The following RGS3 variants were observed in gnomAD, a reference collection of about 807,000 sequenced individuals.
RGS3 encodes the protein regulator of G protein signaling 3, also known as regulator of G-protein signalling 3.
In RGS3, 80 loss-of-function variants were observed where a neutral mutation model predicts 132.6. The ratio of observed to expected loss-of-function variants is 0.60; its 90% CI spans 0.50 to 0.73. The LOEUF is 0.73. RGS3 is among the 30% of genes least tolerant of loss of function. RGS3 has a pLI of 0.00. For synonymous variants in RGS3, 598 were observed against 620.6 expected (o/e 0.96, Z 0.54); for missense variants, 1,382 against 1,530.8 (o/e 0.90, Z 1.62).
chr9:113,465,485 G>A (rs1471171493), intron 3 of RGS3, among the ~76,000 whole-genome samples: 1 of 151,230 alleles, frequency 6.6e-6, no homozygotes, highest in Non-Finnish European at 1.5e-5. Context: ...GTGTGTGCCT[G>A]TGTGTATTTA....
At chr9:113,581,956 C>A in intron 19 of RGS3, 2 of 908,862 alleles carry the variant, frequency 2.2e-6, no homozygotes, top group Non-Finnish European at 2.6e-6. Context: ...AAGGCCTCCC[C>A]TCCCTTGCCC....
At chr9:113,577,122 T>A (rs1321776568) in intron 19 of RGS3, among the ~76,000 whole-genome samples, 1 of 152,156 alleles carries the variant, frequency 6.6e-6, no homozygotes, top group Non-Finnish European at 1.5e-5. Context: ...TAGCTGGGAT[T>A]ACAGGTGCGC....
intron 10 of RGS3, among the ~76,000 whole-genome samples, chr9:113,502,369 C>G (rs1447395106): frequency 6.6e-6 from 1 of 152,252 alleles, no homozygotes; most frequent in Non-Finnish European, 1.5e-5. Context: ...AGAAGCCCCT[C>G]TATTTGTTTT....
rs1010362786 is a variant in RGS3, at chr9:113,506,049, G to T, written c.980-339G>T. Among the ~76,000 whole-genome samples, 2 of 152,162 alleles carry T rather than the reference G, an allele frequency of 1.3e-5. No homozygotes were observed. The highest frequency in any genetic ancestry group is 4.8e-5 in the African/African-American group (2 of 41,426). On this transcript the variant is annotated intron_variant, in intron 11 of 24. Transcript: ENST00000350696. The surrounding 1 kb of genome is among the most constrained non-coding windows in gnomAD (Gnocchi z 4.7). ...GATTGGCAGAGAAGGAATAAATGTA[G>T]TGTGGGAGCCTGGCCCCAGGGAAGG...
intron 16 of RGS3, among the ~76,000 whole-genome samples, chr9:113,518,517 C>T (rs770782276): frequency 4.3e-4 from 66 of 152,174 alleles, no homozygotes; most frequent in Non-Finnish European, 6.0e-4. Flanking sequence ...TCTGTAAGGA[C>T]GCTTTAAACC....
chr9:113,487,061 C>T (rs577144555), intron 7 of RGS3, among the ~76,000 whole-genome samples: 1 of 143,844 alleles, frequency 7.0e-6, no homozygotes, highest in South Asian at 2.1e-4. Flanking sequence ...GGGTGCTGAC[C>T]TGGAGCCAGG....
chr9:113,591,737 C>G lies in RGS3; in HGVS notation c.3080+340C>G, dbSNP rs896584073. 1 of 262,630 alleles carries G rather than the reference C, an allele frequency of 3.8e-6. No individual in the cohort carries two copies. The highest frequency in any genetic ancestry group is 7.7e-6 in the Non-Finnish European group (1 of 130,112). The allele number at this position is 262,630 out of a possible 1,614,324, so 16.3% of individuals were successfully genotyped here. On this transcript the variant is annotated intron_variant, in intron 21 of 24. Transcript: ENST00000350696. This position sits in a 1 kb window ranked among gnomAD's most constrained non-coding sequence, Gnocchi z 4.4. ...CAACAACTCCTTTGCTCCCTCTGGG[C>G]CCAAGAGTGACCTGAGAAGGGGTGG...
intron 19 of RGS3, among the ~76,000 whole-genome samples, chr9:113,553,441 T>TAAAAAAAAAAAAAAAAAA: frequency 4.9e-5 from 1 of 20,426 alleles, no homozygotes; most frequent in Non-Finnish European, 8.3e-5. Flanking sequence ...AAACTCTGTT[T>TAAAAAAAAAAAAAAAAAA]AAAAAAAAAA....
chr9:113,536,738 G>A, intron 18 of RGS3, 58 bp from the exon 17 acceptor site: 2 of 1,584,914 alleles, frequency 1.3e-6, no homozygotes, highest in South Asian at 2.3e-5. Flanking sequence ...GGGCCTGGGA[G>A]CCCCCTGAAC....
chr9:113,503,885 G>C (rs7033679), intron 10 of RGS3, among the ~76,000 whole-genome samples: 21,780 of 152,132 alleles, frequency 0.14, 1,706 homozygotes, highest in African/African-American at 0.2. Context: ...TTCCACACTC[G>C]TACCCGCGTT....
intron 19 of RGS3, chr9:113,582,797 G>A (rs1234289812): frequency 7.9e-5 from 12 of 152,292 alleles, no homozygotes; most frequent in Admixed American, 7.9e-4. Context: ...TCCCTGGGTG[G>A]GTGATTCTTC....
chr9:113,563,612 G>C (rs6478022), intron 19 of RGS3, among the ~76,000 whole-genome samples: 18,204 of 152,116 alleles, frequency 0.12, 1,313 homozygotes, highest in African/African-American at 0.19. Context: ...GGAGCCAGCA[G>C]GATGACAGCC....
Position 113,483,136 on chromosome 9 carries a change from G to A in RGS3, c.525+19G>A. On this transcript the variant is annotated intron_variant, in intron 5 of 24. Transcript: ENST00000350696. ...TGTGAAGGTATGTGGTGGGGCCGGA[G>A]ATGGAGAGTGGGATATTGAGGGGCC... The A allele has an allele frequency of 1.3e-6, 2 of 1,555,140 alleles. No individual in the cohort carries two copies. The highest frequency in any genetic ancestry group is 1.8e-6 in the Non-Finnish European group (2 of 1,127,956).
chr9:113,516,313 G>A (rs1377836234), intron 15 of RGS3, among the ~76,000 whole-genome samples: 1 of 151,784 alleles, frequency 6.6e-6, no homozygotes, highest in Non-Finnish European at 1.5e-5. Context: ...TTCTTAGCAT[G>A]TGACACAAAG....
At chr9:113,520,564 T>A (rs1366944107) in intron 16 of RGS3, among the ~76,000 whole-genome samples, 1 of 147,784 alleles carries the variant, frequency 6.8e-6, no homozygotes, top group East Asian at 2.0e-4. Context: ...TTTTTTTTTT[T>A]AAACTTTCTA....
chr9:113,522,211 T>C (rs1831989339), intron 16 of RGS3: 1 of 152,262 alleles, frequency 6.6e-6, no homozygotes, highest in Non-Finnish European at 1.5e-5. Context: ...TACTAGAGTG[T>C]GAGTAACTGG....
rs762913526 is a variant in RGS3, at chr9:113,593,897, C to G, written c.3081-533C>G. On this transcript the variant is annotated intron_variant, in intron 21 of 24. Coordinates refer to ENST00000350696, the Ensembl canonical transcript of RGS3. The stretch of plus-strand genomic sequence containing the variant: ...CAATTTGCTGACTTGTCCCCCACCC[C>G]CCACCACTGTCTCCCTGCTGCCATG... 7.6e-6 allele frequency: 12 copies of G among 1,581,768 alleles called. No individual in the cohort carries two copies. In the African/African-American group the frequency reaches 1.2e-4, roughly 16 times the overall value.
chr9:113,458,008 C>A (rs759650881), upstream of RGS3, among the ~76,000 whole-genome samples: 6 of 152,152 alleles, frequency 3.9e-5, no homozygotes, highest in African/African-American at 1.4e-4. Context: ...AAAATCTCTT[C>A]ATAGACCAAT....
At chr9:113,461,904 G>A (rs747221649) in intron 2 of RGS3, 1 of 1,600,854 alleles carries the variant, frequency 6.2e-7, no homozygotes, top group South Asian at 1.1e-5. Flanking sequence ...TTCCCTGTGG[G>A]CCTTCCTTTG....
Sources: gnomAD v4.1 joint callset for allele counts (sites outside exome capture counted in the v4.1 genomes callset) on GRCh38, gnomAD v4.1.1 for gene constraint, Gnocchi (gnomAD v3.1) non-coding constraint, MANE v1.5 for transcripts, NCBI Gene and HGNC (gene_info 2026-07-23, HGNC 2026-07-21) for gene names.